GPR63: variants seen among roughly 807,000 people sequenced by gnomAD.
The protein encoded by GPR63 is probable G protein-coupled receptor 63.
Under a neutral mutation model 23.1 loss-of-function variants are expected in GPR63, and 12 were observed. That is an observed-to-expected ratio of 0.52 (90% CI 0.33 to 0.84). The LOEUF is 0.84. Among genes scored for constraint, GPR63 ranks in the 40% least tolerant of loss-of-function variants. The pLI, the probability that GPR63 is intolerant of heterozygous loss-of-function variation, is 0.02. For missense variants in GPR63, 472 were observed against 515.6 expected, an observed-to-expected ratio of 0.92 and a Z score of 0.82; for synonymous variants, 172 against 191.1, an observed-to-expected ratio of 0.90 and a Z score of 0.82.
In GPR63 at chr6:96,816,182, A is replaced by G. The variant is rs73757986; in HGVS notation, c.-150-16301T>C. Among the ~76,000 whole-genome samples, 540 of 152,336 alleles carry G rather than the reference A, an allele frequency of 3.5e-3. 6 individuals are homozygous for G. Among genetic ancestry groups the G allele is most frequent in the African/African-American group, 0.012 (517 of 41,584 alleles). On this transcript the variant is annotated intron_variant, in intron 1 of 1. Coordinates refer to ENST00000229955, the MANE Select transcript of GPR63 (RefSeq NM_030784.4). ...TTAGCAAGTAAATCATAAATAGAAG[A>G]CGCAAAAAAACCATTGTTCGAAACA...
intron 1 of GPR63, among the ~76,000 whole-genome samples, chr6:96,806,651 T>C (rs1363151189): frequency 6.6e-6 from 1 of 152,200 alleles, no homozygotes. Flanking sequence ...AACTTGGTGT[T>C]GTCTGACTTT....
At chr6:96,820,178 T>C (rs921959068) in intron 1 of GPR63, among the ~76,000 whole-genome samples, 2 of 152,018 alleles carry the variant, frequency 1.3e-5, no homozygotes, top group African/African-American at 4.8e-5. Flanking sequence ...TCATAAAACA[T>C]ATTCCTTAAA....
rs1256015828 is a variant in GPR63 at position 96,799,206 on chromosome 6, T to C, written c.526A>G (p.Ser176Gly). 6.2e-7 allele frequency: 1 copy of C among 1,614,210 alleles called. No individual in the cohort carries two copies. Among genetic ancestry groups the C allele is most frequent in the Non-Finnish European group, 8.5e-7 (1 of 1,180,050 alleles). Residue 176 changes from serine to glycine, a missense_variant, in exon 2 of 2, where the codon AGC becomes GGC. Transcript: ENST00000229955. Reference protein sequence around the residue: ...IEGVAILLIISIDRFLIIVQR... With the variant: ...IEGVAILLIIGIDRFLIIVQR... ...ACTATAATAAGGAACCTATCTATGC[T>C]AATGATGAGCAGGATGGCTACTCCT...
chr6:96,833,073 T>C (rs1325972626), intron 1 of GPR63, among the ~76,000 whole-genome samples: 1 of 152,206 alleles, frequency 6.6e-6, no homozygotes. Context: ...CTTTAGAAGG[T>C]ATCGTGGTTT....
In GPR63 at chr6:96,795,193, G is replaced by A. The variant is rs905916884; in HGVS notation, c.*3279C>T. On this transcript the variant is annotated 3_prime_UTR_variant, in exon 2 of 2. Transcript: ENST00000229955. Reference sequence around the variant, plus strand: ...TGGGGATGCTTAAACATGTATTAAAGTTTAAATAATGTTACTCCATACTAT... The same window carrying A: ...TGGGGATGCTTAAACATGTATTAAAATTTAAATAATGTTACTCCATACTAT... 1 of 152,130 alleles carries A rather than the reference G, an allele frequency of 6.6e-6. No homozygotes were observed. Among genetic ancestry groups the A allele is most frequent in the Admixed American group, 6.5e-5 (1 of 15,276 alleles). The allele number at this position is 152,130 out of a possible 1,614,324, so 9.4% of individuals were successfully genotyped here.
At chr6:96,832,432 C>CTCT (rs1554193737) in intron 1 of GPR63, among the ~76,000 whole-genome samples, 1 of 144,688 alleles carries the variant, frequency 6.9e-6, no homozygotes, top group Non-Finnish European at 1.5e-5. Flanking sequence ...ACCTGACTAA[C>CTCT]TTTTTTTTTT....
At chr6:96,835,770 C>A (rs1277347560) in intron 1 of GPR63, among the ~76,000 whole-genome samples, 1 of 152,082 alleles carries the variant, frequency 6.6e-6, no homozygotes, top group East Asian at 1.9e-4. Flanking sequence ...AGATAAAAAT[C>A]TATATCCCAA....
intron 1 of GPR63, among the ~76,000 whole-genome samples, chr6:96,835,331 T>C (rs761690326): frequency 6.6e-5 from 10 of 152,148 alleles, no homozygotes; most frequent in Admixed American, 2.6e-4. Context: ...CAATAGCATA[T>C]ACAGATATGG....
At chr6:96,835,355 A>G (rs1311623616) in intron 1 of GPR63, among the ~76,000 whole-genome samples, 1 of 152,130 alleles carries the variant, frequency 6.6e-6, no homozygotes, top group Non-Finnish European at 1.5e-5. Context: ...ATATAGTTAT[A>G]CTATATATAG....
intron 1 of GPR63, among the ~76,000 whole-genome samples, chr6:96,810,763 G>A (rs797017365): frequency 2.6e-5 from 4 of 152,202 alleles, no homozygotes; most frequent in African/African-American, 9.6e-5. Context: ...CAGACCAAAC[G>A]GACAAAAGGG....
intron 1 of GPR63, among the ~76,000 whole-genome samples, chr6:96,822,273 A>T (rs940266973): frequency 6.6e-6 from 1 of 152,164 alleles, no homozygotes; most frequent in African/African-American, 2.4e-5. Context: ...ATTGGTGAAG[A>T]GCAATGTTGA....
At chr6:96,806,779 G>A (rs1260278608) in intron 1 of GPR63, among the ~76,000 whole-genome samples, 2 of 152,212 alleles carry the variant, frequency 1.3e-5, no homozygotes, top group Admixed American at 6.5e-5. Flanking sequence ...AAGTGGCTGA[G>A]ATTCCCACAG....
At chr6:96,819,203 T>C (rs1774236286) in intron 1 of GPR63, among the ~76,000 whole-genome samples, 1 of 152,200 alleles carries the variant, frequency 6.6e-6, no homozygotes, top group South Asian at 2.1e-4. Context: ...TATTCTGCTA[T>C]AAAGACACAT....
chr6:96,834,262 G>A (rs1481088983), intron 1 of GPR63, among the ~76,000 whole-genome samples: 1 of 152,146 alleles, frequency 6.6e-6, no homozygotes, highest in East Asian at 1.9e-4. Flanking sequence ...ATGTTGGGCT[G>A]CCCACACTTC....
At position 96,798,798 on chromosome 6, in the gene GPR63, C is replaced by T; in HGVS notation, c.934G>A (p.Ala312Thr). 6.2e-7 allele frequency: 1 copy of T among 1,614,130 alleles called. No homozygotes were observed. Among genetic ancestry groups the T allele is most frequent in the East Asian group, 2.2e-5 (1 of 44,882 alleles). Residue 312 changes from alanine to threonine, a missense_variant, in exon 2 of 2, where the codon GCC becomes ACC. By Grantham distance (58) the Ala-to-Thr change is moderately conservative (BLOSUM62 0). Transcript: ENST00000229955. ...AAGAGAATCAAAATAGTGGTGAAGG[C>T]ACGTGTTTTAAAGCCCATGTCAATG... is the stretch of plus-strand genomic sequence containing the variant. ...MSIDMGFKTRAFTTILILFAV... is the reference protein window; with the variant it reads ...MSIDMGFKTRTFTTILILFAV...
intron 1 of GPR63, among the ~76,000 whole-genome samples, chr6:96,827,910 G>A (rs1302808570): frequency 6.6e-6 from 1 of 151,986 alleles, no homozygotes; most frequent in Non-Finnish European, 1.5e-5. Context: ...CAGATAGAAG[G>A]TCTGATAGAC....
intron 1 of GPR63, among the ~76,000 whole-genome samples, chr6:96,817,346 A>AAT (rs147893007): frequency 2.1e-4 from 32 of 151,510 alleles, no homozygotes; most frequent in East Asian, 5.8e-4. Context: ...TAAAGTTGAA[A>AAT]ATATATATAT....
chr6:96,798,742 G>A lies in GPR63; in HGVS notation c.990C>T (p.Phe330=). 1 of 1,614,186 alleles carries A rather than the reference G, an allele frequency of 6.2e-7. No homozygotes were observed. The highest frequency in any genetic ancestry group is 8.5e-7 in the Non-Finnish European group (1 of 1,180,024). Reference sequence around the variant, plus strand: ...ATGTTGCCACAAGGCTGTAAGTGGTGAATGGGGCCCAGCAGACAATGAAGA... The same window carrying A: ...ATGTTGCCACAAGGCTGTAAGTGGTAAATGGGGCCCAGCAGACAATGAAGA... ...FAVFIVCWAP[F]TTYSLVATFS... The change falls in exon 2 of 2, where the codon TTC becomes TTT. Residue 330 remains phenylalanine (F), a synonymous_variant. Coordinates refer to ENST00000229955, the MANE Select transcript of GPR63 (RefSeq NM_030784.4).
At chr6:96,810,716 G>A (rs1467086917) in intron 1 of GPR63, among the ~76,000 whole-genome samples, 2 of 152,068 alleles carry the variant, frequency 1.3e-5, no homozygotes, top group Admixed American at 1.3e-4. Context: ...GCATATACAT[G>A]TATGTGTTTG....
Sources: allele counts gnomAD v4.1 joint callset (sites outside exome capture counted in the v4.1 genomes callset), GRCh38; gene constraint gnomAD v4.1.1; transcripts MANE v1.5; gene names NCBI Gene and HGNC (gene_info 2026-07-23, HGNC 2026-07-21).